Variants in CTBP2 observed in about 807,000 individuals in gnomAD.
The protein encoded by CTBP2 is C-terminal-binding protein 2.
Under a neutral mutation model 80.3 loss-of-function variants are expected in CTBP2, and 30 were observed. That is an observed-to-expected ratio of 0.37 (90% confidence interval 0.28 to 0.51). The LOEUF is 0.51. Ranked by LOEUF, CTBP2 falls within the 20% of genes least tolerant of loss-of-function variation. The probability of loss-of-function intolerance (pLI) is 0.93; values close to 1 mark genes in which losing one functional copy is unlikely to be tolerated. For missense variants in CTBP2, 1,212 were observed against 1,375.3 expected (o/e 0.88, Z 1.88); for synonymous variants, 594 against 587.4 (o/e 1.01, Z -0.16).
At chr10:124,990,405 A>G (rs780549235) in intron 8 of CTBP2, among the ~76,000 whole-genome samples, 12 of 152,226 alleles carry the variant, frequency 7.9e-5, no homozygotes, top group Non-Finnish European at 1.6e-4. Flanking sequence ...AGAAGTCTCA[A>G]TTTTTATATA....
Position 124,994,446 on chromosome 10 carries a change from C to G in CTBP2, c.2400+23G>C. ...GCTACCACCTTTCGACAGAAGCTTCCATGGCATCTATTTTCAAATTACCTG... is the reference window on the plus strand; with the variant it reads ...GCTACCACCTTTCGACAGAAGCTTCGATGGCATCTATTTTCAAATTACCTG... On this transcript the variant is annotated intron_variant, in intron 5 of 8. Transcript: ENST00000309035. 3 of 1,610,782 alleles carry G rather than the reference C, an allele frequency of 1.9e-6. No homozygotes were observed. In the South Asian group the frequency reaches 3.3e-5, roughly 18 times the overall value.
Position 124,987,554 on chromosome 10 carries a change from C to G in CTBP2, c.*1964G>C, listed in dbSNP as rs954058820. The stretch of plus-strand genomic sequence containing the variant: ...CCTCCTTTTCACGCATATTTCATTG[C>G]CTCTTTGATGAGTGGTTACGAAGAC... On this transcript the variant is annotated 3_prime_UTR_variant, in exon 9 of 9. Coordinates refer to ENST00000309035, the MANE Select transcript of CTBP2 (RefSeq NM_022802.3). The G allele has an allele frequency of 6.6e-6, 1 of 152,084 alleles. No homozygotes were observed. Among genetic ancestry groups the G allele is most frequent in the South Asian group, 2.1e-4 (1 of 4,832 alleles). 9.4% of individuals were successfully genotyped at this position (152,084 alleles called of 1,614,324 possible).
intron 1 of CTBP2, among the ~76,000 whole-genome samples, chr10:125,147,129 G>A (rs1858925354): frequency 6.6e-6 from 1 of 152,206 alleles, no homozygotes; most frequent in South Asian, 2.1e-4. Flanking sequence ...GAGCTATGAT[G>A]ATGACGTGTG....
intron 2 of CTBP2, among the ~76,000 whole-genome samples, chr10:125,056,184 ATAATAATAATAG>A (rs1963891670): frequency 2.0e-5 from 3 of 148,902 alleles, no homozygotes; most frequent in African/African-American, 7.5e-5. Context: ...AATAATAATA[ATAATAATAATAG>A]TAATAATAAT....
In CTBP2 at chr10:125,005,773, G is replaced by A. The variant is rs776177176; in HGVS notation, c.1679-2281C>T. The stretch of plus-strand genomic sequence containing the variant: ...TCTGGCCCCTACTTGAGGTCTGAGC[G>A]CACAACCCTGTGGGGCCTGGAAGTC... On this transcript the variant is annotated intron_variant, in intron 1 of 8. Coordinates refer to ENST00000309035, the MANE Select transcript of CTBP2 (RefSeq NM_022802.3). 1.7e-5 allele frequency: 27 copies of A among 1,612,734 alleles called. No individual in the cohort carries two copies. The Admixed American group carries it at 2.2e-4, about 13-fold the overall frequency.
intron 2 of CTBP2, among the ~76,000 whole-genome samples, chr10:125,105,007 T>TATTA (rs1851238613): frequency 6.6e-6 from 1 of 152,190 alleles, no homozygotes; most frequent in Non-Finnish European, 1.5e-5. Flanking sequence ...TTTATTTATT[T>TATTA]ATTAATTTAT....
intron 2 of CTBP2, among the ~76,000 whole-genome samples, chr10:125,059,648 C>T (rs1379320879): frequency 6.6e-6 from 1 of 152,190 alleles, no homozygotes; most frequent in East Asian, 1.9e-4. Flanking sequence ...ACCCATTAGC[C>T]TAATGTCCAC....
intron 2 of CTBP2, among the ~76,000 whole-genome samples, chr10:125,056,193 A>G (rs1039162969): frequency 6.8e-6 from 1 of 147,336 alleles, no homozygotes; most frequent in Non-Finnish European, 1.5e-5. Flanking sequence ...AATAATAATA[A>G]TAGTAATAAT....
At chr10:125,058,151 C>T (rs1401439949) in intron 2 of CTBP2, among the ~76,000 whole-genome samples, 2 of 152,058 alleles carry the variant, frequency 1.3e-5, no homozygotes, top group African/African-American at 4.8e-5. Flanking sequence ...GGACTGTCAC[C>T]TGAACTTGAC....
intron 2 of CTBP2, among the ~76,000 whole-genome samples, chr10:125,062,678 T>G (rs895183976): frequency 1.3e-5 from 2 of 152,116 alleles, no homozygotes; most frequent in Non-Finnish European, 2.9e-5. Flanking sequence ...CTGGTCAACA[T>G]GATGAAACCT....
intron 2 of CTBP2, among the ~76,000 whole-genome samples, chr10:125,075,096 T>C (rs76121638): frequency 0.092 from 13,946 of 152,260 alleles, 670 homozygotes; most frequent in Middle Eastern, 0.17. Context: ...CACAAATGCA[T>C]CAACCATAAA....
chr10:125,084,792 T>G (rs1267770518), intron 2 of CTBP2, among the ~76,000 whole-genome samples: 2 of 151,984 alleles, frequency 1.3e-5, no homozygotes, highest in Non-Finnish European at 2.9e-5. Flanking sequence ...CGGCACTCTT[T>G]CCCACCAAGA....
chr10:125,023,955 C>T (rs558402788), intron 1 of CTBP2, among the ~76,000 whole-genome samples: 2 of 152,152 alleles, frequency 1.3e-5, no homozygotes, highest in South Asian at 2.1e-4. Flanking sequence ...TTGAGTTAGG[C>T]GGCACCAGAA....
At chr10:125,042,608 G>A (rs1210964535) in intron 2 of CTBP2, among the ~76,000 whole-genome samples, 1 of 152,138 alleles carries the variant, frequency 6.6e-6, no homozygotes, top group African/African-American at 2.4e-5. Context: ...CTGTTCTGGA[G>A]ACTCAGGCTC....
Position 124,997,155 on chromosome 10 carries a change from G to A in CTBP2, c.2185+809C>T, listed in dbSNP as rs1953728261. 4 of 152,236 alleles carry A rather than the reference G, an allele frequency of 2.6e-5. 1 individual carries two copies. The highest frequency in any genetic ancestry group is 2.6e-4 in the Admixed American group (4 of 15,288). The allele number at this position is 152,236 out of a possible 1,614,324, so 9.4% of individuals were successfully genotyped here. Reference sequence around the variant, plus strand: ...AACATTACTGGCCCCGTGTGCACATGCGCCTTCTTGGAGTCCCAAAAGGCA... The same window carrying A: ...AACATTACTGGCCCCGTGTGCACATACGCCTTCTTGGAGTCCCAAAAGGCA... On this transcript the variant is annotated intron_variant, in intron 4 of 8. Transcript: ENST00000309035.
intron 8 of CTBP2, 87 bp from the exon 11 acceptor site, chr10:124,989,785 A>C: frequency 1.5e-6 from 2 of 1,294,980 alleles, no homozygotes; most frequent in Non-Finnish European, 2.1e-6. Flanking sequence ...TTTTCATAAG[A>C]GACAGGAGCC....
intron 2 of CTBP2, among the ~76,000 whole-genome samples, chr10:125,093,861 G>A (rs1419505545): frequency 1.3e-5 from 2 of 152,138 alleles, no homozygotes; most frequent in African/African-American, 4.8e-5. Context: ...TGGAAAACCC[G>A]GGTGTTTGAT....
Position 125,096,093 on chromosome 10 carries a change from T to C in CTBP2, c.-102+14897A>G, listed in dbSNP as rs535476185. Among the ~76,000 whole-genome samples, 17 of 152,336 alleles carry C rather than the reference T, an allele frequency of 1.1e-4. 1 individual carries two copies. In the South Asian group the frequency reaches 3.5e-3, roughly 32 times the overall value. ...CTTAATACTTAGGGGGTTATTCTTT[T>C]GTCCCCTTTGTCAAACACAAAAAAA... On this transcript the variant is annotated intron_variant, in intron 2 of 10. Coordinates refer to the CTBP2 transcript ENST00000337195.
At chr10:125,084,235 G>T (rs1243684789) in intron 2 of CTBP2, among the ~76,000 whole-genome samples, 1 of 152,248 alleles carries the variant, frequency 6.6e-6, no homozygotes, top group Admixed American at 6.5e-5. Context: ...GATTACAGGT[G>T]TGAGCCACTG....
Sources: allele counts gnomAD v4.1 joint callset (sites outside exome capture counted in the v4.1 genomes callset), GRCh38; gene constraint gnomAD v4.1.1; transcripts MANE v1.5; gene names NCBI Gene and HGNC (gene_info 2026-07-23, HGNC 2026-07-21).